NDUFAF2: variants seen among roughly 807,000 people sequenced by gnomAD.
The protein encoded by NDUFAF2 is NADH:ubiquinone oxidoreductase complex assembly factor 2, also known as NADH dehydrogenase [ubiquinone] 1 alpha subcomplex assembly factor 2.
NDUFAF2 carries 13 observed loss-of-function variants against 22.8 expected under a neutral mutation model. That is an observed-to-expected ratio of 0.57 (90% confidence interval 0.37 to 0.91). The LOEUF (loss-of-function observed/expected upper bound fraction) is 0.91. Among genes scored for constraint, NDUFAF2 ranks in the 40% least tolerant of loss-of-function variants. The probability of loss-of-function intolerance (pLI) is 0.01; values close to 1 mark genes in which losing one functional copy is unlikely to be tolerated. For missense variants in NDUFAF2, 162 were observed against 195.2 expected (o/e 0.83, Z 1.01); for synonymous variants, 53 against 64.2 (o/e 0.83, Z 0.84).
At chr5:61,093,090 A>G (rs1203530521) in intron 2 of NDUFAF2, among the ~76,000 whole-genome samples, 3 of 152,230 alleles carry the variant, frequency 2.0e-5, no homozygotes, top group African/African-American at 7.2e-5. Context: ...GTTCGAGAGC[A>G]GGAAGCATCC....
At chr5:60,964,757 A>T (rs1403978784) in intron 1 of NDUFAF2, among the ~76,000 whole-genome samples, 1 of 152,032 alleles carries the variant, frequency 6.6e-6, no homozygotes, top group Non-Finnish European at 1.5e-5. Flanking sequence ...CGGCCACATA[A>T]CGTTGATTAC....
intron 1 of NDUFAF2, among the ~76,000 whole-genome samples, chr5:61,046,632 G>A (rs577508250): frequency 2.1e-4 from 32 of 152,182 alleles, no homozygotes; most frequent in African/African-American, 7.0e-4. Flanking sequence ...CTGAGAAAGA[G>A]GGAAAGTTAA....
intron 1 of NDUFAF2, among the ~76,000 whole-genome samples, chr5:61,010,521 A>G (rs761362717): frequency 6.6e-6 from 1 of 151,966 alleles, no homozygotes; most frequent in Non-Finnish European, 1.5e-5. Flanking sequence ...TCTCTCATTT[A>G]AATACATCTT....
At chr5:61,070,860 T>C (rs1752289641) in intron 1 of NDUFAF2, among the ~76,000 whole-genome samples, 1 of 152,138 alleles carries the variant, frequency 6.6e-6, no homozygotes, top group African/African-American at 2.4e-5. Flanking sequence ...ACCATACATG[T>C]ACTTTGAGGA....
At chr5:61,011,486 C>T (rs1274978627) in intron 1 of NDUFAF2, among the ~76,000 whole-genome samples, 1 of 152,190 alleles carries the variant, frequency 6.6e-6, no homozygotes, top group Admixed American at 6.6e-5. Flanking sequence ...TAGGCATCAC[C>T]TGTTGTTTAG....
chr5:61,048,876 T>C (rs1323958814), intron 1 of NDUFAF2, among the ~76,000 whole-genome samples: 9 of 152,056 alleles, frequency 5.9e-5, no homozygotes, highest in Non-Finnish European at 8.8e-5. Context: ...AGATGGGTGA[T>C]TGGAGAGGGG....
At chr5:61,035,423 T>A (rs1017655395) in intron 1 of NDUFAF2, among the ~76,000 whole-genome samples, 1 of 125,600 alleles carries the variant, frequency 8.0e-6, no homozygotes, top group African/African-American at 3.2e-5. Flanking sequence ...TCTCTTGCTC[T>A]GTTTTTTTTT....
chr5:61,052,932 G>A (rs1171750278), intron 1 of NDUFAF2, among the ~76,000 whole-genome samples: 2 of 152,078 alleles, frequency 1.3e-5, no homozygotes, highest in African/African-American at 4.8e-5. Flanking sequence ...TTCCTTCTTC[G>A]TGGATACACA....
intron 3 of NDUFAF2, among the ~76,000 whole-genome samples, chr5:61,140,286 A>G (rs1322356863): frequency 6.6e-6 from 1 of 152,134 alleles, no homozygotes; most frequent in Non-Finnish European, 1.5e-5. Context: ...TATCTTAACA[A>G]TCTTTTTTTG....
intron 2 of NDUFAF2, among the ~76,000 whole-genome samples, chr5:61,078,697 C>T (rs547094530): frequency 7.2e-5 from 11 of 151,958 alleles, no homozygotes; most frequent in African/African-American, 2.7e-4. Flanking sequence ...GCTGAGATCG[C>T]GCCACTGCAC....
chr5:60,993,229 T>A (rs1751184195), intron 1 of NDUFAF2, among the ~76,000 whole-genome samples: 1 of 152,226 alleles, frequency 6.6e-6, no homozygotes, highest in African/African-American at 2.4e-5. Flanking sequence ...GCAGCTTCCA[T>A]AGCTGTCACT....
chr5:61,034,449 A>G (rs547554020), intron 1 of NDUFAF2, among the ~76,000 whole-genome samples: 1 of 152,310 alleles, frequency 6.6e-6, no homozygotes, highest in Admixed American at 6.5e-5. Flanking sequence ...GTATTTGTGT[A>G]TCTAAACATA....
intron 3 of NDUFAF2, among the ~76,000 whole-genome samples, chr5:61,148,963 ATTGTTGG>A (rs1741188630): frequency 6.6e-6 from 1 of 152,046 alleles, no homozygotes; most frequent in Non-Finnish European, 1.5e-5. Context: ...TCCATTTGGT[ATTGTTGG>A]TTTATTCATT....
chr5:61,041,775 A>AT (rs1003796044), intron 1 of NDUFAF2, among the ~76,000 whole-genome samples: 11 of 152,146 alleles, frequency 7.2e-5, no homozygotes, highest in Admixed American at 6.6e-4. Flanking sequence ...GGTAGGTGAC[A>AT]TTTTTTCCCA....
chr5:61,138,427 G>C (rs539358558), intron 3 of NDUFAF2, among the ~76,000 whole-genome samples: 1 of 152,184 alleles, frequency 6.6e-6, no homozygotes, highest in South Asian at 2.1e-4. Context: ...TTGCGTAAGG[G>C]AAGGTGATTT....
intron 1 of NDUFAF2, among the ~76,000 whole-genome samples, chr5:61,061,021 A>G (rs1341189190): frequency 6.6e-6 from 1 of 152,020 alleles, no homozygotes; most frequent in East Asian, 1.9e-4. Context: ...ATTCTTAGGA[A>G]CCATTGGTGT....
At chr5:61,050,403 A>T (rs1410130178) in intron 1 of NDUFAF2, 1 of 152,180 alleles carries the variant, frequency 6.6e-6, no homozygotes, top group African/African-American at 2.4e-5. Context: ...CTAAATTTGA[A>T]TACTGTGCTG....
intron 3 of NDUFAF2, among the ~76,000 whole-genome samples, chr5:61,142,398 T>C (rs1408838532): frequency 6.6e-6 from 1 of 152,178 alleles, no homozygotes; most frequent in Non-Finnish European, 1.5e-5. Context: ...CAGAAATTCC[T>C]AGCCAGCAAA....
At position 60,972,188 on chromosome 5, in the gene NDUFAF2, G is replaced by T. The variant is rs191908442; in HGVS notation, c.127+26806G>T. On this transcript the variant is annotated intron_variant, in intron 1 of 3. Transcript: ENST00000296597. ...AAACTCCTGACCTCGTGATCTGCCT[G>T]CCTCGGCCTCCCAAAGTGCTGAGAT... 2.1e-3 allele frequency among the ~76,000 whole-genome samples: 311 copies of T among 151,490 alleles called. 2 individuals are homozygous for T. Among genetic ancestry groups the T allele is most frequent in the Non-Finnish European group, 1.6e-3 (111 of 67,908 alleles).
Sources: allele counts gnomAD v4.1 joint callset (sites outside exome capture counted in the v4.1 genomes callset), GRCh38; gene constraint gnomAD v4.1.1; transcripts MANE v1.5; gene names NCBI Gene and HGNC (gene_info 2026-07-23, HGNC 2026-07-21).